FBXL7: variants seen among roughly 807,000 people sequenced by gnomAD.
FBXL7 encodes the protein F-box and leucine rich repeat protein 7, also known as F-box/LRR-repeat protein 7.
In FBXL7, 12 loss-of-function variants were observed where a neutral mutation model predicts 38.3. That is an observed-to-expected ratio of 0.31 (90% CI 0.20 to 0.51). The LOEUF is 0.51. Ranked by LOEUF, FBXL7 falls within the 20% of genes least tolerant of loss-of-function variation. FBXL7 has a pLI of 0.98. For missense variants in FBXL7, 567 were observed against 676.4 expected (o/e 0.84, Z 1.79); for synonymous variants, 297 against 300.9 (o/e 0.99, Z 0.13).
intron 1 of FBXL7, among the ~76,000 whole-genome samples, chr5:15,513,258 C>G (rs773037006): frequency 6.6e-6 from 1 of 151,926 alleles, no homozygotes; most frequent in Non-Finnish European, 1.5e-5. Flanking sequence ...TCCATTGTTT[C>G]TATTTTTTTT....
At chr5:15,633,736 CAG>C (rs1741072527) in intron 2 of FBXL7, among the ~76,000 whole-genome samples, 1 of 136,050 alleles carries the variant, frequency 7.4e-6, no homozygotes, top group East Asian at 2.1e-4. Context: ...TGTAGGGACA[CAG>C]ATATTATTAT....
At chr5:15,726,914 C>T (rs1331002288) in intron 2 of FBXL7, among the ~76,000 whole-genome samples, 2 of 151,602 alleles carry the variant, frequency 1.3e-5, no homozygotes, top group Non-Finnish European at 2.9e-5. Flanking sequence ...CCATTTATTG[C>T]ATTACTGCCT....
intron 1 of FBXL7, among the ~76,000 whole-genome samples, chr5:15,549,557 A>G (rs1284417708): frequency 1.3e-5 from 2 of 152,170 alleles, no homozygotes; most frequent in East Asian, 3.9e-4. Context: ...AATCTCCATT[A>G]AGGAAAATGT....
intron 1 of FBXL7, among the ~76,000 whole-genome samples, chr5:15,551,731 G>T (rs1039639234): frequency 6.6e-6 from 1 of 152,070 alleles, no homozygotes; most frequent in Non-Finnish European, 1.5e-5. Context: ...TCTGTATCTG[G>T]AAGTGGTGTT....
At chr5:15,700,057 C>T (rs1743473643) in intron 2 of FBXL7, among the ~76,000 whole-genome samples, 1 of 152,162 alleles carries the variant, frequency 6.6e-6, no homozygotes, top group Non-Finnish European at 1.5e-5. Flanking sequence ...CTCATTCTAA[C>T]AATTGTCTTT....
At chr5:15,771,591 A>G (rs556983511) in intron 2 of FBXL7, among the ~76,000 whole-genome samples, 3 of 152,138 alleles carry the variant, frequency 2.0e-5, no homozygotes, top group Admixed American at 2.0e-4. Flanking sequence ...GGAATCAGGA[A>G]ATCTGAATTC....
intron 2 of FBXL7, among the ~76,000 whole-genome samples, chr5:15,777,894 C>G (rs17602845): frequency 0.017 from 2,563 of 152,016 alleles, 31 homozygotes; most frequent in Middle Eastern, 0.031. Context: ...AAACAAATCA[C>G]ACAGTCCCAC....
intron 2 of FBXL7, among the ~76,000 whole-genome samples, chr5:15,799,282 G>C (rs927046928): frequency 2.7e-5 from 4 of 150,560 alleles, no homozygotes; most frequent in African/African-American, 9.8e-5. Context: ...GATAGAGGAA[G>C]AATGCATGTC....
At chr5:15,855,273 A>G (rs1393416689) in intron 2 of FBXL7, among the ~76,000 whole-genome samples, 8 of 152,192 alleles carry the variant, frequency 5.3e-5, no homozygotes, top group Non-Finnish European at 1.0e-4. Context: ...AGCTCAGAAG[A>G]AATTTACTTG....
chr5:15,561,639 A>AT (rs200531273), intron 1 of FBXL7, among the ~76,000 whole-genome samples: 2,608 of 151,058 alleles, frequency 0.017, 33 homozygotes, highest in Non-Finnish European at 0.025. Context: ...ATCACCATGC[A>AT]TTTTTTTTTA....
At chr5:15,556,871 T>C (rs1373587489) in intron 1 of FBXL7, among the ~76,000 whole-genome samples, 1 of 152,208 alleles carries the variant, frequency 6.6e-6, no homozygotes, top group African/African-American at 2.4e-5. Context: ...CTTTTTTGTT[T>C]AGAGCTAGAG....
At chr5:15,677,662 G>T (rs1323983705) in intron 2 of FBXL7, among the ~76,000 whole-genome samples, 1 of 151,966 alleles carries the variant, frequency 6.6e-6, no homozygotes, top group Non-Finnish European at 1.5e-5. Flanking sequence ...TTTAGTTTGG[G>T]GAGAATTTTA....
In FBXL7 at chr5:15,616,045, G is replaced by T. The variant is rs369736827; in HGVS notation, c.100G>T (p.Ala34Ser). ...SSSTDHTPTK[A>S]QKNVATSEDS... is the part of the protein sequence containing the mutation. ...AAGTACAGATCACACGCCCACTAAA[G>T]CCCAGAAGAATGTGGCTACCAGCGA... The change falls in exon 2 of 4, where the codon GCC becomes TCC. Residue 34 changes from alanine (A) to serine (S), a missense_variant. By Grantham distance (99) the Ala-to-Ser change is moderately conservative (BLOSUM62 1). Coordinates refer to ENST00000504595, the MANE Select transcript of FBXL7 (RefSeq NM_012304.5). The T allele has an allele frequency of 2.1e-4, 345 of 1,613,252 alleles. No homozygotes were observed. The highest frequency in any genetic ancestry group is 2.7e-4 in the Non-Finnish European group (322 of 1,179,526).
intron 1 of FBXL7, among the ~76,000 whole-genome samples, chr5:15,529,363 T>C (rs1737351500): frequency 6.6e-6 from 1 of 152,092 alleles, no homozygotes; most frequent in African/African-American, 2.4e-5. Context: ...TTGTGAATAA[T>C]GAAAGCTAAG....
intron 2 of FBXL7, among the ~76,000 whole-genome samples, chr5:15,884,210 T>C (rs1740579289): frequency 6.6e-6 from 1 of 152,170 alleles, no homozygotes; most frequent in Admixed American, 6.6e-5. Context: ...CCCTGTTTCC[T>C]CTTCTTAGGA....
intron 2 of FBXL7, among the ~76,000 whole-genome samples, chr5:15,675,834 G>A (rs1742636570): frequency 6.6e-6 from 1 of 152,154 alleles, no homozygotes; most frequent in Non-Finnish European, 1.5e-5. Context: ...CGAAGAGAAG[G>A]ACTGTATAAT....
chr5:15,546,508 A>G (rs907187033), intron 1 of FBXL7, among the ~76,000 whole-genome samples: 1 of 151,162 alleles, frequency 6.6e-6, no homozygotes, highest in Non-Finnish European at 1.5e-5. Context: ...CAGAGGTTGC[A>G]GTGAGCTGAG....
chr5:15,625,263 G>C (rs753768134), intron 2 of FBXL7, among the ~76,000 whole-genome samples: 15 of 152,114 alleles, frequency 9.9e-5, no homozygotes, highest in Non-Finnish European at 1.9e-4. Flanking sequence ...GTCAGACTTA[G>C]TAAAATTAAT....
intron 1 of FBXL7, among the ~76,000 whole-genome samples, chr5:15,595,909 G>A (rs979829973): frequency 6.6e-6 from 1 of 152,170 alleles, no homozygotes; most frequent in Non-Finnish European, 1.5e-5. Flanking sequence ...TGAGGTCAAT[G>A]AGAGTAGTCC....
Sources: allele counts gnomAD v4.1 joint callset (sites outside exome capture counted in the v4.1 genomes callset), GRCh38; gene constraint gnomAD v4.1.1; transcripts MANE v1.5; gene names NCBI Gene and HGNC (gene_info 2026-07-23, HGNC 2026-07-21).